CPED1: variants seen among roughly 807,000 people sequenced by gnomAD.
The protein encoded by CPED1 is cadherin-like and PC-esterase domain-containing protein 1.
Under a neutral mutation model 128.2 loss-of-function variants are expected in CPED1, and 114 were observed. That is an observed-to-expected ratio of 0.89 (90% confidence interval 0.76 to 1.04). The LOEUF is 1.04. Among genes scored for constraint, CPED1 ranks in the 50% least tolerant of loss-of-function variants. The pLI is 0.00. For synonymous variants in CPED1, 462 were observed against 426.7 expected (o/e 1.08, Z -1.02); for missense variants, 1,211 against 1,207.1 (o/e 1.00, Z -0.05).
chr7:121,250,468 G>T (rs1006658881), intron 18 of CPED1, among the ~76,000 whole-genome samples: 1 of 151,866 alleles, frequency 6.6e-6, no homozygotes, highest in Non-Finnish European at 1.5e-5. Flanking sequence ...AAATAACTAA[G>T]ATCAGAGCAG....
chr7:121,125,268 A>G (rs1795476457), intron 8 of CPED1, among the ~76,000 whole-genome samples: 1 of 152,168 alleles, frequency 6.6e-6, no homozygotes, highest in Non-Finnish European at 1.5e-5. Flanking sequence ...ACCAAATAAG[A>G]GTAAATGTAG....
chr7:121,102,973 C>G (rs1376995960), intron 7 of CPED1, among the ~76,000 whole-genome samples: 1 of 152,096 alleles, frequency 6.6e-6, no homozygotes. Flanking sequence ...AACTGAAGCT[C>G]TTAGGTATTT....
intron 3 of CPED1, among the ~76,000 whole-genome samples, chr7:121,046,554 T>A (rs778678275): frequency 3.4e-4 from 52 of 151,990 alleles, no homozygotes; most frequent in Admixed American, 5.2e-4. Flanking sequence ...AAAAAAGACT[T>A]TATTAATTTT....
At chr7:121,052,364 A>T (rs1563006909) in intron 4 of CPED1, among the ~76,000 whole-genome samples, 1 of 152,212 alleles carries the variant, frequency 6.6e-6, no homozygotes, top group Non-Finnish European at 1.5e-5. Context: ...ACACGAAGTC[A>T]CACGAAAACT....
At chr7:121,239,537 A>C (rs1242516491) in intron 17 of CPED1, among the ~76,000 whole-genome samples, 1 of 152,220 alleles carries the variant, frequency 6.6e-6, no homozygotes, top group East Asian at 1.9e-4. Flanking sequence ...ATATGTAAAC[A>C]ATTTAAAAAA....
At chr7:121,291,132 T>C (rs1792691949) in intron 22 of CPED1, among the ~76,000 whole-genome samples, 1 of 152,234 alleles carries the variant, frequency 6.6e-6, no homozygotes, top group African/African-American at 2.4e-5. Flanking sequence ...GTGTCATTTC[T>C]GAGGCCTCTC....
At chr7:121,060,880 G>A (rs1292593303) in intron 4 of CPED1, among the ~76,000 whole-genome samples, 1 of 152,192 alleles carries the variant, frequency 6.6e-6, no homozygotes, top group African/African-American at 2.4e-5. Flanking sequence ...CTGCCTTTAT[G>A]AGCTGTAACA....
intron 2 of CPED1, among the ~76,000 whole-genome samples, chr7:121,008,290 C>T (rs1231863327): frequency 6.6e-6 from 1 of 152,292 alleles, no homozygotes; most frequent in East Asian, 1.9e-4. Flanking sequence ...CCACTACTCA[C>T]CGCATTTAGG....
chr7:121,087,925 G>A (rs1361370945), intron 5 of CPED1, among the ~76,000 whole-genome samples: 7 of 152,040 alleles, frequency 4.6e-5, no homozygotes. Context: ...CTCCTAAAGT[G>A]CTGGGATTAC....
intron 16 of CPED1, among the ~76,000 whole-genome samples, chr7:121,220,526 GAC>G (rs1292126999): frequency 6.6e-6 from 1 of 151,998 alleles, no homozygotes; most frequent in Non-Finnish European, 1.5e-5. Flanking sequence ...AGAACTGAAA[GAC>G]AACAAATTTA....
At chr7:121,236,667 G>A in intron 16 of CPED1, 47 bp from the exon 17 acceptor site, 1 of 1,142,970 alleles carries the variant, frequency 8.7e-7, no homozygotes, top group Non-Finnish European at 1.2e-6. Context: ...TATTATTATG[G>A]GTCAAGTTAA....
At chr7:121,012,613 T>C (rs1004254467) in intron 2 of CPED1, among the ~76,000 whole-genome samples, 1 of 152,244 alleles carries the variant, frequency 6.6e-6, no homozygotes, top group African/African-American at 2.4e-5. Flanking sequence ...ACGCAATGTG[T>C]GCACCTGTTG....
intron 18 of CPED1, chr7:121,261,939 G>C (rs2116736745): frequency 2.1e-6 from 1 of 470,440 alleles, no homozygotes. Context: ...TTGGATGTTT[G>C]TTTCCTCCAA....
chr7:121,127,535 C>T (rs1338067177), intron 10 of CPED1, among the ~76,000 whole-genome samples: 9 of 132,758 alleles, frequency 6.8e-5, no homozygotes, highest in South Asian at 2.7e-4. Context: ...TTTTCTTTTT[C>T]TTTCTTTTTT....
At chr7:121,212,390 G>A (rs2116597808) in intron 16 of CPED1, among the ~76,000 whole-genome samples, 1 of 152,088 alleles carries the variant, frequency 6.6e-6, no homozygotes, top group Non-Finnish European at 1.5e-5. Flanking sequence ...GGAGGTATAG[G>A]AAAGGATCAA....
rs1562992823 is a variant in CPED1, at chr7:121,015,681, A to C, written c.266A>C (p.Glu89Ala). 1 of 1,600,754 alleles carries C rather than the reference A, an allele frequency of 6.2e-7. No homozygotes were observed. Among genetic ancestry groups the C allele is most frequent in the South Asian group, 1.1e-5 (1 of 88,204 alleles). The part of the protein sequence containing the change: ...QETRKVKESM[E>A]THFGSHGRRA... The stretch of plus-strand genomic sequence containing the variant: ...TTTTCTTAGGTCAAAGAATCAATGG[A>C]GACACACTTTGGCAGCCATGGCCGA... Residue 89 changes from glutamate (E) to alanine (A), a missense_variant, in exon 3 of 23, where the codon GAG becomes GCG. Physicochemically the swap from Glu to Ala is moderately radical, Grantham distance 107. Transcript: ENST00000310396.
At position 121,295,542 on chromosome 7, in the gene CPED1, C is replaced by T. The variant is rs755823787; in HGVS notation, c.2971C>T (p.Gln991Ter). The T allele has an allele frequency of 3.1e-6, 5 of 1,613,946 alleles. No individual in the cohort carries two copies. Among genetic ancestry groups the T allele is most frequent in the South Asian group, 1.1e-5 (1 of 91,086 alleles). ...RYFSNQSKLQ[Q>*]GTVTNFRSPY... Reference sequence around the variant, plus strand: ...TTTCAGCAATCAAAGCAAACTACAACAAGGCACTGTAACAAATTTTCGATC... The same window carrying T: ...TTTCAGCAATCAAAGCAAACTACAATAAGGCACTGTAACAAATTTTCGATC... The change falls in exon 23 of 23, where the codon CAA becomes TAA. Residue 991 changes from glutamine (Q) to a stop codon, truncating the protein, a stop_gained. Transcript: ENST00000310396. LOFTEE classifies it high-confidence loss of function.
chr7:121,033,812 G>A (rs1242608156), intron 3 of CPED1, among the ~76,000 whole-genome samples: 1 of 152,210 alleles, frequency 6.6e-6, no homozygotes, highest in African/African-American at 2.4e-5. Context: ...TTTTTCTCAT[G>A]TTAGTGAATT....
chr7:121,110,512 G>A (rs953527435), intron 7 of CPED1, among the ~76,000 whole-genome samples: 1 of 152,124 alleles, frequency 6.6e-6, no homozygotes, highest in East Asian at 1.9e-4. Context: ...GAGACTAAGT[G>A]CCATTTCAAG....
Sources: allele counts gnomAD v4.1 joint callset (sites outside exome capture counted in the v4.1 genomes callset), GRCh38; gene constraint gnomAD v4.1.1; transcripts MANE v1.5; gene names NCBI Gene and HGNC (gene_info 2026-07-23, HGNC 2026-07-21).